The following RBPJ variants were observed in gnomAD, a reference collection of about 807,000 sequenced individuals.
The protein encoded by RBPJ is recombination signal binding protein for immunoglobulin kappa J region, also known as recombining binding protein suppressor of hairless.
In RBPJ, 9 loss-of-function variants were observed where a neutral mutation model predicts 67.8. That is an observed-to-expected ratio of 0.13 (90% CI 0.08 to 0.23). The LOEUF (loss-of-function observed/expected upper bound fraction) is 0.23. Ranked by LOEUF, RBPJ falls within the 10% of genes least tolerant of loss-of-function variation. The probability of loss-of-function intolerance (pLI) is 1.00; values close to 1 mark genes in which losing one functional copy is unlikely to be tolerated. For synonymous variants in RBPJ, 198 were observed against 203.3 expected (o/e 0.97, Z 0.22); for missense variants, 305 against 595.6 (o/e 0.51, Z 5.08).
At chr4:26,176,013 T>C (rs181479150) in intron 1 of RBPJ, among the ~76,000 whole-genome samples, 72 of 152,294 alleles carry the variant, frequency 4.7e-4, no homozygotes, top group Non-Finnish European at 3.2e-4. Flanking sequence ...AATCTCTTCA[T>C]TTTAGCCTCA....
chr4:26,352,131 G>A (rs1179440880), intron 1 of RBPJ, among the ~76,000 whole-genome samples: 1 of 152,212 alleles, frequency 6.6e-6, no homozygotes, highest in African/African-American at 2.4e-5. Context: ...TATAGTGGGA[G>A]TTTACCTTAC....
intron 1 of RBPJ, among the ~76,000 whole-genome samples, chr4:26,233,845 G>A (rs1326105164): frequency 6.6e-6 from 1 of 152,140 alleles, no homozygotes; most frequent in African/African-American, 2.4e-5. Context: ...GCCATGAATG[G>A]TTCTGTTCTT....
intron 1 of RBPJ, among the ~76,000 whole-genome samples, chr4:26,251,847 C>CAAAA (rs769291407): frequency 3.6e-3 from 176 of 49,262 alleles, no homozygotes; most frequent in Non-Finnish European, 4.1e-3. Context: ...GACTCCGTCT[C>CAAAA]AAAAAAAAAA....
chr4:26,316,685 T>TAC (rs1553861075), upstream of RBPJ, among the ~76,000 whole-genome samples: 1,826 of 143,324 alleles, frequency 0.013, 22 homozygotes, highest in Middle Eastern at 0.026. Context: ...TATATATATA[T>TAC]ACACATATTG....
chr4:26,158,954 TC>T (rs1466855439), upstream of RBPJ, among the ~76,000 whole-genome samples: 1 of 142,516 alleles, frequency 7.0e-6, no homozygotes, highest in Non-Finnish European at 1.5e-5. Flanking sequence ...TTTCTCTCTC[TC>T]TCTCTCTCTC....
At chr4:26,380,181 A>G (rs1730170723) in intron 1 of RBPJ, among the ~76,000 whole-genome samples, 2 of 152,214 alleles carry the variant, frequency 1.3e-5, no homozygotes, top group South Asian at 2.1e-4. Flanking sequence ...TTATTTAATA[A>G]TGTATTTTCA....
intron 1 of RBPJ, among the ~76,000 whole-genome samples, chr4:26,371,982 C>G (rs1169779977): frequency 1.3e-5 from 2 of 152,190 alleles, no homozygotes; most frequent in Admixed American, 6.5e-5. Context: ...GAGGGAAACC[C>G]TCACCTTGTG....
At chr4:26,229,087 C>T (rs1719185742) in intron 1 of RBPJ, among the ~76,000 whole-genome samples, 1 of 152,192 alleles carries the variant, frequency 6.6e-6, no homozygotes, top group African/African-American at 2.4e-5. Flanking sequence ...TACCCATGGC[C>T]TCCCTCAGGA....
At chr4:26,298,503 G>T (rs1410008960) in intron 1 of RBPJ, among the ~76,000 whole-genome samples, 1 of 152,192 alleles carries the variant, frequency 6.6e-6, no homozygotes, top group East Asian at 1.9e-4. Flanking sequence ...ATCTGCACGA[G>T]ATGGGCAAAG....
the RBPJ span, among the ~76,000 whole-genome samples, chr4:26,141,539 T>C: frequency 6.6e-6 from 1 of 152,140 alleles, no homozygotes; most frequent in African/African-American, 2.4e-5. Flanking sequence ...TAATTGCACA[T>C]ATTTATGGGA....
At chr4:26,360,871 A>G (rs1224036424) in intron 1 of RBPJ, among the ~76,000 whole-genome samples, 1 of 151,194 alleles carries the variant, frequency 6.6e-6, no homozygotes, top group East Asian at 1.9e-4. Flanking sequence ...TGGCCTCCCA[A>G]AGTGCTGGGA....
chr4:26,279,878 C>T (rs1460388687), intron 1 of RBPJ, among the ~76,000 whole-genome samples: 1 of 147,154 alleles, frequency 6.8e-6, no homozygotes, highest in East Asian at 2.1e-4. Context: ...GCCTCGACTT[C>T]TTGGGCTCAA....
At chr4:26,389,475 T>C (rs572235656) in intron 2 of RBPJ, among the ~76,000 whole-genome samples, 123 of 150,070 alleles carry the variant, frequency 8.2e-4, no homozygotes, top group African/African-American at 2.9e-3. Flanking sequence ...CCAGTAGATA[T>C]ATACCGTTTT....
upstream of RBPJ, chr4:26,320,683 C>T: frequency 6.0e-6 from 9 of 1,501,676 alleles, no homozygotes; most frequent in South Asian, 6.5e-5. Flanking sequence ...GTAGTAATCC[C>T]CTCCGGTTTT....
chr4:26,253,307 CT>C lies in RBPJ; in HGVS notation c.-167+89715del, dbSNP rs1182769419. Among the ~76,000 whole-genome samples the C allele has an allele frequency of 7.1e-3, 808 of 114,360 alleles. 1 individual carries two copies. The highest frequency in any genetic ancestry group is 0.037 in the East Asian group (154 of 4,196). The allele number at this position is 114,360 out of a possible 152,430, so 75.0% of individuals were successfully genotyped here. A position where few individuals can be genotyped will look rare whatever the true frequency, so the allele number is the denominator to read the frequency against. The stretch of plus-strand genomic sequence containing the variant: ...TATCAGATATCTTAATCTGCTATTT[CT>C]TTTTTTTTTTTTTTTTTTTTTGAGA... On this transcript the variant is annotated intron_variant, in intron 1 of 4. Transcript: ENST00000512351.
chr4:26,243,151 C>T (rs1038478358), intron 1 of RBPJ, among the ~76,000 whole-genome samples: 2 of 152,042 alleles, frequency 1.3e-5, no homozygotes, highest in Non-Finnish European at 2.9e-5. Flanking sequence ...AGCTTGAACC[C>T]GGGAGGCAGA....
chr4:26,186,167 C>T (rs1331734961), intron 1 of RBPJ, among the ~76,000 whole-genome samples: 2 of 141,550 alleles, frequency 1.4e-5, no homozygotes, highest in Admixed American at 7.4e-5. Context: ...AATACCGTAA[C>T]TTCTTTCTGC....
chr4:26,177,512 G>T (rs1716835989), intron 1 of RBPJ, among the ~76,000 whole-genome samples: 1 of 152,136 alleles, frequency 6.6e-6, no homozygotes, highest in African/African-American at 2.4e-5. Flanking sequence ...GAGAGGTGGA[G>T]GTTGCAGTGA....
intron 1 of RBPJ, among the ~76,000 whole-genome samples, chr4:26,323,350 G>C (rs891549901): frequency 2.0e-5 from 3 of 152,144 alleles, no homozygotes; most frequent in African/African-American, 7.2e-5. Context: ...GTACCTGTAA[G>C]AATGATTACA....
Sources: allele counts gnomAD v4.1 joint callset (sites outside exome capture counted in the v4.1 genomes callset), GRCh38; gene constraint gnomAD v4.1.1; transcripts MANE v1.5; gene names NCBI Gene and HGNC (gene_info 2026-07-23, HGNC 2026-07-21).